The following AGO2 variants were observed in gnomAD, a reference collection of about 807,000 sequenced individuals.
AGO2 encodes protein argonaute-2.
AGO2 carries 5 observed loss-of-function variants against 102.3 expected under a neutral mutation model. The ratio of observed to expected loss-of-function variants is 0.05; its 90% CI spans 0.03 to 0.10. AGO2 has a LOEUF of 0.10. Ranked by LOEUF, AGO2 falls within the 10% of genes least tolerant of loss-of-function variation. The pLI is 1.00. For missense variants in AGO2, 541 were observed against 1,183.7 expected (o/e 0.46, Z 7.97); for synonymous variants, 449 against 473.1 (o/e 0.95, Z 0.66).
In AGO2 at chr8:140,539,321, C is replaced by T. The variant is rs1469237773; in HGVS notation, c.2168G>A (p.Arg723Gln). 10 of 1,603,150 alleles carry T rather than the reference C, an allele frequency of 6.2e-6. No individual in the cohort carries two copies. Among genetic ancestry groups the T allele is most frequent in the Non-Finnish European group, 6.8e-6 (8 of 1,173,296 alleles). The change falls in exon 16 of 19, where the codon CGG (arginine) becomes CAG (glutamine). Residue 723 changes from arginine (R) to glutamine (Q), a missense_variant and splice_region_variant. Physicochemically the swap from Arg to Gln is conservative, Grantham distance 43. Transcript: ENST00000220592. This position sits in a 1 kb window ranked among gnomAD's most constrained non-coding sequence, Gnocchi z 4.7. ...GCCTGGAGTCATGCAGAAACTCACC[C>T]GCTCGTTCTTGTCAGTGCAGAAGAG... Reference protein sequence around the residue: ...TRLFCTDKNERVGKSGNIPAG... With the variant: ...TRLFCTDKNEQVGKSGNIPAG...
At chr8:140,576,684 A>G (rs1301583884) in intron 2 of AGO2, among the ~76,000 whole-genome samples, 1 of 152,236 alleles carries the variant, frequency 6.6e-6, no homozygotes, top group Non-Finnish European at 1.5e-5. Flanking sequence ...TTGGGGAAAA[A>G]GTGTGGTTTC....
chr8:140,565,434 G>C (rs1461142153), intron 3 of AGO2, among the ~76,000 whole-genome samples: 1 of 132,268 alleles, frequency 7.6e-6, no homozygotes, highest in South Asian at 2.7e-4. Flanking sequence ...GCAAGACTCT[G>C]TCTCAAAAAA....
At chr8:140,626,040 C>A (rs1248326738) in intron 1 of AGO2, among the ~76,000 whole-genome samples, 1 of 152,256 alleles carries the variant, frequency 6.6e-6, no homozygotes, top group Non-Finnish European at 1.5e-5. Flanking sequence ...ACCAATAGGG[C>A]CACTCGAGCC....
chr8:140,620,321 C>T (rs568969801), intron 1 of AGO2, among the ~76,000 whole-genome samples: 5 of 152,260 alleles, frequency 3.3e-5, no homozygotes, highest in South Asian at 2.1e-4. Context: ...TACGATCAGA[C>T]GAGATGATGG....
intron 1 of AGO2, among the ~76,000 whole-genome samples, chr8:140,625,295 G>A (rs965109696): frequency 6.6e-5 from 10 of 152,114 alleles, no homozygotes; most frequent in East Asian, 1.9e-4. Context: ...TAGTAGAGAC[G>A]GGTTTTCACC....
chr8:140,568,992 G>GC (rs1036263552), intron 3 of AGO2, among the ~76,000 whole-genome samples: 5 of 152,176 alleles, frequency 3.3e-5, no homozygotes, highest in African/African-American at 7.2e-5. Context: ...CCCAAGCGGA[G>GC]CCCCCCATGG....
intron 3 of AGO2, among the ~76,000 whole-genome samples, chr8:140,568,144 C>T (rs2073320261): frequency 1.3e-5 from 2 of 149,368 alleles, no homozygotes; most frequent in South Asian, 4.2e-4. Flanking sequence ...ATTAGCCGGG[C>T]ATGGTGGCAC....
At chr8:140,622,282 AATAATGCACATGGG>A (rs2074228665) in intron 1 of AGO2, among the ~76,000 whole-genome samples, 1 of 109,970 alleles carries the variant, frequency 9.1e-6, no homozygotes, top group Non-Finnish European at 1.9e-5. Context: ...CTCTTGGGGG[AATAATGCACATGGG>A]GTCTCCTCTT....
rs113839968 is a variant in AGO2 at position 140,571,991 on chromosome 8, C to G, written c.336+821G>C. Among the ~76,000 whole-genome samples, 404 of 152,294 alleles carry G rather than the reference C, an allele frequency of 2.7e-3. 1 individual carries two copies. The highest frequency in any genetic ancestry group is 8.6e-3 in the African/African-American group (359 of 41,564). On this transcript the variant is annotated intron_variant, in intron 3 of 18. Coordinates refer to ENST00000220592, the MANE Select transcript of AGO2 (RefSeq NM_012154.5). ...TTGTGATCCGCCCACCTCGGCCTCC[C>G]AAAGTGCTGGGGTTACAGGTGTGAG...
At chr8:140,612,690 T>C (rs1026171113) in intron 1 of AGO2, among the ~76,000 whole-genome samples, 2 of 151,866 alleles carry the variant, frequency 1.3e-5, no homozygotes, top group Non-Finnish European at 2.9e-5. Flanking sequence ...AGGCGGAGGT[T>C]GCAGTGAGCC....
At chr8:140,542,153 G>A (rs2072810837) in intron 14 of AGO2, among the ~76,000 whole-genome samples, 1 of 152,204 alleles carries the variant, frequency 6.6e-6, no homozygotes, top group African/African-American at 2.4e-5. Context: ...TCTGTCGGGG[G>A]CCAAGGGAGC....
intron 6 of AGO2, among the ~76,000 whole-genome samples, chr8:140,559,069 A>G (rs1238283234): frequency 6.6e-6 from 1 of 152,172 alleles, no homozygotes; most frequent in Non-Finnish European, 1.5e-5. Flanking sequence ...AAATGAAGAC[A>G]AAAGAAAACG....
chr8:140,642,108 GA>G, the AGO2 span, among the ~76,000 whole-genome samples: 1 of 152,164 alleles, frequency 6.6e-6, no homozygotes, highest in Non-Finnish European at 1.5e-5. Flanking sequence ...AAGAACAAAT[GA>G]AAATAAAGAT....
intron 1 of AGO2, among the ~76,000 whole-genome samples, chr8:140,624,609 T>C (rs2074253077): frequency 1.3e-5 from 2 of 152,224 alleles, no homozygotes; most frequent in Admixed American, 1.3e-4. Flanking sequence ...AGGAGGAGGC[T>C]CTGGTCCTCG....
rs1363869401 is a variant in AGO2, at chr8:140,635,515, CGCCGAGGGGCTCCGGG to C, written c.-25_-10del. On this transcript the variant is annotated 5_prime_UTR_variant, in exon 1 of 19. Coordinates refer to ENST00000220592, the MANE Select transcript of AGO2 (RefSeq NM_012154.5). ...CCGGCTCCCGAGTACATGGTGGCGC[CGCCGAGGGGCTCCGGG>C]GCCGAGGGGCGGCCGCGCGCGCGCC... The C allele has an allele frequency of 4.0e-4, 393 of 980,152 alleles. No homozygotes were observed. The highest frequency in any genetic ancestry group is 4.4e-4 in the Non-Finnish European group (366 of 827,814). The allele number at this position is 980,152 out of a possible 1,614,324, so 60.7% of individuals were successfully genotyped here. A position where few individuals can be genotyped will look rare whatever the true frequency, so the allele number is the denominator to read the frequency against.
Position 140,532,326 on chromosome 8 carries a change from C to A in AGO2, c.2471+90G>T, listed in dbSNP as rs1588431583. 4.0e-6 allele frequency: 6 copies of A among 1,490,332 alleles called. No individual in the cohort carries two copies. The South Asian group carries it at 6.1e-5, about 15-fold the overall frequency. The allele number at this position is 1,490,332 out of a possible 1,614,324, so 92.3% of individuals were successfully genotyped here. ...GGGGTGCCGGCTCCAGCCGCTGGGG[C>A]CCTGCCCCTTCCCCTTCCAGAAAAG... On this transcript the variant is annotated intron_variant, in intron 18 of 18. Coordinates refer to ENST00000220592, the MANE Select transcript of AGO2 (RefSeq NM_012154.5).
intron 2 of AGO2, among the ~76,000 whole-genome samples, chr8:140,573,377 T>A (rs2073416012): frequency 1.3e-5 from 2 of 151,968 alleles, no homozygotes; most frequent in African/African-American, 4.8e-5. Flanking sequence ...CAAGGTTTCA[T>A]CATGTTGGCC....
chr8:140,589,469 G>A lies in AGO2; in HGVS notation c.23-4158C>T, dbSNP rs1250770390. Among the ~76,000 whole-genome samples the A allele has an allele frequency of 1.3e-5, 2 of 152,070 alleles. No individual in the cohort carries two copies. The highest frequency in any genetic ancestry group is 1.3e-4 in the Admixed American group (2 of 15,266). On this transcript the variant is annotated intron_variant, in intron 1 of 18. Coordinates refer to ENST00000220592, the MANE Select transcript of AGO2 (RefSeq NM_012154.5). The surrounding 1 kb of genome is among the most constrained non-coding windows in gnomAD (Gnocchi z 4.2). ...CCCAGGGCTGTCTCCTAGGAAGCCG[G>A]CCCAGTGCTCAGCACCCATGAATCA... is the stretch of plus-strand genomic sequence containing the variant.
chr8:140,640,300 A>G (rs907644591), upstream of AGO2, among the ~76,000 whole-genome samples: 1 of 152,034 alleles, frequency 6.6e-6, no homozygotes, highest in African/African-American at 2.4e-5. Context: ...GTGAGCCACC[A>G]TGCACAGCCA....
Sources: gnomAD v4.1 joint callset for allele counts (sites outside exome capture counted in the v4.1 genomes callset) on GRCh38, gnomAD v4.1.1 for gene constraint, Gnocchi (gnomAD v3.1) non-coding constraint, MANE v1.5 for transcripts, NCBI Gene and HGNC (gene_info 2026-07-23, HGNC 2026-07-21) for gene names.